The following CSMD1 variants were observed in gnomAD, a reference collection of about 807,000 sequenced individuals.
The protein encoded by CSMD1 is CUB and Sushi multiple domains 1.
CSMD1 carries 213 observed loss-of-function variants against 417.5 expected under a neutral mutation model. That is an observed-to-expected ratio of 0.51 (90% CI 0.46 to 0.57). CSMD1 has a LOEUF of 0.57. CSMD1 is among the 20% of genes least tolerant of loss of function. CSMD1 has a pLI of 0.00. For missense variants in CSMD1, 6,923 were observed against 4,529.7 expected, an observed-to-expected ratio of 1.53 and a Z score of -15.17; for synonymous variants, 2,862 against 1,736.8, an observed-to-expected ratio of 1.65 and a Z score of -16.11.
At chr8:4,276,947 C>T (rs943105471) in intron 3 of CSMD1, among the ~76,000 whole-genome samples, 6 of 152,102 alleles carry the variant, frequency 3.9e-5, no homozygotes, top group Admixed American at 6.6e-5. Context: ...TGTATGTTTT[C>T]GTATACCAAC....
At position 4,566,119 on chromosome 8, in the gene CSMD1, A is replaced by G. The variant is rs1431942847; in HGVS notation, c.302+71223T>C. On this transcript the variant is annotated intron_variant, in intron 2 of 69. Coordinates refer to ENST00000635120, the MANE Select transcript of CSMD1 (RefSeq NM_033225.6). ...ATCCAGAATTGTACTTTCCAGGAAT[A>G]TACATCACATGATGTGAAGATAAGA... is the stretch of plus-strand genomic sequence containing the variant. Among the ~76,000 whole-genome samples, 6 of 152,270 alleles carry G rather than the reference A, an allele frequency of 3.9e-5. No homozygotes were observed. The East Asian group carries it at 9.7e-4, about 25-fold the overall frequency.
rs531312716 is a variant in CSMD1 at position 4,758,956 on chromosome 8, G to T, written c.86-121398C>A. Among the ~76,000 whole-genome samples the T allele has an allele frequency of 3.3e-5, 5 of 152,286 alleles. No homozygotes were observed. The South Asian group carries it at 1.0e-3, about 32-fold the overall frequency. On this transcript the variant is annotated intron_variant, in intron 1 of 69. Coordinates refer to ENST00000635120, the MANE Select transcript of CSMD1 (RefSeq NM_033225.6). ...TTCAGTAGCAGACGGTGGAGGGTTTGCCTGTTGCACAGAGTGAAGTGCATT... is the reference window on the plus strand; with the variant it reads ...TTCAGTAGCAGACGGTGGAGGGTTTTCCTGTTGCACAGAGTGAAGTGCATT...
intron 3 of CSMD1, among the ~76,000 whole-genome samples, chr8:4,116,751 G>A (rs902633560): frequency 6.6e-6 from 1 of 152,072 alleles, no homozygotes; most frequent in African/African-American, 2.4e-5. Context: ...TACGTGGAGA[G>A]GCAGGGGGTG....
At chr8:3,539,900 T>C (rs1298850173) in intron 10 of CSMD1, among the ~76,000 whole-genome samples, 1 of 152,212 alleles carries the variant, frequency 6.6e-6, no homozygotes, top group Non-Finnish European at 1.5e-5. Flanking sequence ...TCCCTTTGAA[T>C]TTAGACACAA....
At chr8:4,439,604 A>G (rs1798346104) in intron 2 of CSMD1, among the ~76,000 whole-genome samples, 1 of 152,164 alleles carries the variant, frequency 6.6e-6, no homozygotes, top group Non-Finnish European at 1.5e-5. Context: ...ATACTTACAT[A>G]TTTGTTTTAA....
chr8:4,231,790 C>T (rs1801750164), intron 3 of CSMD1, among the ~76,000 whole-genome samples: 1 of 152,188 alleles, frequency 6.6e-6, no homozygotes, highest in Admixed American at 6.5e-5. Context: ...TCCCCATACT[C>T]AGGGTTCTAC....
At chr8:3,243,892 A>T (rs1323790281) in intron 26 of CSMD1, among the ~76,000 whole-genome samples, 1 of 152,094 alleles carries the variant, frequency 6.6e-6, no homozygotes, top group Admixed American at 6.6e-5. Flanking sequence ...CAGTCTATTA[A>T]ATGCATGAAC....
intron 8 of CSMD1, among the ~76,000 whole-genome samples, chr8:3,616,064 T>C (rs1250042343): frequency 1.3e-5 from 2 of 152,236 alleles, no homozygotes; most frequent in African/African-American, 2.4e-5. Context: ...TCCTAAAGTT[T>C]TTTAATGAAA....
At chr8:4,645,717 C>T (rs1221960323) in intron 1 of CSMD1, among the ~76,000 whole-genome samples, 1 of 152,058 alleles carries the variant, frequency 6.6e-6, no homozygotes, top group Non-Finnish European at 1.5e-5. Flanking sequence ...GAATATTTAG[C>T]TAGAGGGCCT....
chr8:4,503,098 A>G, intron 2 of CSMD1, among the ~76,000 whole-genome samples: 1 of 152,198 alleles, frequency 6.6e-6, no homozygotes, highest in Admixed American at 6.5e-5. Flanking sequence ...AAGAACTGTG[A>G]ATTTGAATCT....
At chr8:4,415,993 A>T (rs1187265680) in intron 3 of CSMD1, among the ~76,000 whole-genome samples, 1 of 152,184 alleles carries the variant, frequency 6.6e-6, no homozygotes, top group African/African-American at 2.4e-5. Flanking sequence ...TAACTACTTC[A>T]CTTTCTCTAC....
chr8:4,916,251 A>G (rs1206791994), intron 1 of CSMD1, among the ~76,000 whole-genome samples: 1 of 149,182 alleles, frequency 6.7e-6, no homozygotes, highest in East Asian at 1.9e-4. Context: ...ATTTCGGCAC[A>G]CTACGATGAC....
intron 1 of CSMD1, among the ~76,000 whole-genome samples, chr8:4,666,975 T>G (rs1227195901): frequency 6.6e-6 from 1 of 152,192 alleles, no homozygotes; most frequent in Non-Finnish European, 1.5e-5. Flanking sequence ...TAATTTTTAT[T>G]CCTTTAGTTT....
rs139118118 is a variant in CSMD1 at position 3,648,042 on chromosome 8, T to C, written c.1010-31245A>G. ...GTGCAGCTAATCAATGAACCAGATC[T>C]ACCTGCATGGTTGGAGATGGAGGAC... On this transcript the variant is annotated intron_variant, in intron 7 of 69. Coordinates refer to ENST00000635120, the MANE Select transcript of CSMD1 (RefSeq NM_033225.6). 1.8e-3 allele frequency among the ~76,000 whole-genome samples: 279 copies of C among 152,366 alleles called. 1 individual carries two copies. The highest frequency in any genetic ancestry group is 6.1e-3 in the African/African-American group (252 of 41,586).
At chr8:4,483,063 T>C (rs778362043) in intron 2 of CSMD1, among the ~76,000 whole-genome samples, 38 of 152,192 alleles carry the variant, frequency 2.5e-4, no homozygotes, top group Non-Finnish European at 4.1e-4. Context: ...ACTCCCATAA[T>C]TCCCATGTGT....
At chr8:4,376,728 T>G (rs1187878272) in intron 3 of CSMD1, among the ~76,000 whole-genome samples, 1 of 152,244 alleles carries the variant, frequency 6.6e-6, no homozygotes, top group Admixed American at 6.5e-5. Context: ...CATTTTAACT[T>G]GCACTGCTTT....
At chr8:3,631,693 G>A (rs537701597) in intron 7 of CSMD1, among the ~76,000 whole-genome samples, 1 of 152,266 alleles carries the variant, frequency 6.6e-6, no homozygotes, top group African/African-American at 2.4e-5. Flanking sequence ...GTCGTCAGAC[G>A]GAGGGAAGAA....
At chr8:3,850,033 T>C (rs545647384) in intron 5 of CSMD1, among the ~76,000 whole-genome samples, 17 of 152,180 alleles carry the variant, frequency 1.1e-4, no homozygotes, top group Admixed American at 3.3e-4. Flanking sequence ...TGACCTCAGG[T>C]GATCCACCAG....
chr8:3,567,463 T>TA (rs1056154288), intron 10 of CSMD1, among the ~76,000 whole-genome samples: 72 of 79,568 alleles, frequency 9.0e-4, no homozygotes, highest in Non-Finnish European at 1.4e-3. Context: ...AATGAAGACA[T>TA]AAAAAGTAAA....
Sources: gnomAD v4.1 joint callset for allele counts (sites outside exome capture counted in the v4.1 genomes callset) on GRCh38, gnomAD v4.1.1 for gene constraint, MANE v1.5 for transcripts, NCBI Gene and HGNC (gene_info 2026-07-23, HGNC 2026-07-21) for gene names.